The following PINX1 variants were observed in gnomAD, a reference collection of about 807,000 sequenced individuals.
PINX1 encodes the protein PIN2 (TERF1) interacting telomerase inhibitor 1, also known as PIN2/TERF1-interacting telomerase inhibitor 1.
Under a neutral mutation model 25.4 loss-of-function variants are expected in PINX1, and 34 were observed. That is an observed-to-expected ratio of 1.34 (90% CI 1.02 to 1.78). The LOEUF is 1.78. Among genes scored for constraint, PINX1 ranks in the 40% most tolerant of loss-of-function variants. The pLI is 0.00. For missense variants in PINX1, 592 were observed against 404.9 expected, an observed-to-expected ratio of 1.46 and a Z score of -3.97; for synonymous variants, 197 against 147.7, an observed-to-expected ratio of 1.33 and a Z score of -2.42.
chr8:10,821,974 T>C (rs1057057387), intron 5 of PINX1: 3 of 152,240 alleles, frequency 2.0e-5, no homozygotes, highest in Non-Finnish European at 4.4e-5. Context: ...ACTGTCAAGC[T>C]GGTAGAGACA....
intron 5 of PINX1, among the ~76,000 whole-genome samples, chr8:10,823,642 A>C (rs907306591): frequency 1.4e-4 from 22 of 152,270 alleles, no homozygotes; most frequent in Middle Eastern, 3.4e-3. Flanking sequence ...AGGACCAGGG[A>C]AAGGAATAAT....
At position 10,836,889 on chromosome 8, in the gene PINX1, C is replaced by T. The variant is rs539927374; in HGVS notation, c.20-2114G>A. On this transcript the variant is annotated intron_variant, in intron 1 of 6. Transcript: ENST00000314787. ...GGAACATTTCCCAGCTCTAATGGCACCCAAGTTTCCAGGTGTGGAAAATCA... is the reference window on the plus strand; with the variant it reads ...GGAACATTTCCCAGCTCTAATGGCATCCAAGTTTCCAGGTGTGGAAAATCA... Among the ~76,000 whole-genome samples, 13 of 152,282 alleles carry T rather than the reference C, an allele frequency of 8.5e-5. No homozygotes were observed. The South Asian group carries it at 2.5e-3, about 29-fold the overall frequency.
chr8:10,839,224 A>AT (rs1449054588), intron 1 of PINX1, among the ~76,000 whole-genome samples: 1 of 152,164 alleles, frequency 6.6e-6, no homozygotes, highest in African/African-American at 2.4e-5. Flanking sequence ...CTCACTTAGA[A>AT]TTACACATTA....
chr8:10,823,237 A>G (rs917457667), intron 5 of PINX1, among the ~76,000 whole-genome samples: 1 of 152,260 alleles, frequency 6.6e-6, no homozygotes, highest in Non-Finnish European at 1.5e-5. Context: ...GAGCACCTGC[A>G]CATGCGTTAG....
chr8:10,808,033 C>G (rs1802510497), intron 6 of PINX1, among the ~76,000 whole-genome samples: 1 of 152,176 alleles, frequency 6.6e-6, no homozygotes, highest in Admixed American at 6.5e-5. Context: ...CACAGATATA[C>G]AGAATGCTTT....
At chr8:10,806,938 G>T (rs940413069) in intron 6 of PINX1, among the ~76,000 whole-genome samples, 3 of 152,154 alleles carry the variant, frequency 2.0e-5, no homozygotes, top group Non-Finnish European at 4.4e-5. Flanking sequence ...GGTTCCCTAA[G>T]GAAATGGCAA....
At chr8:10,814,447 T>C (rs1193788303) in intron 6 of PINX1, among the ~76,000 whole-genome samples, 2 of 152,210 alleles carry the variant, frequency 1.3e-5, no homozygotes, top group African/African-American at 4.8e-5. Flanking sequence ...ATGCTTTATC[T>C]TCTGAGCAAT....
intron 5 of PINX1, chr8:10,825,529 A>G (rs1040510995): frequency 9.6e-6 from 5 of 522,270 alleles, no homozygotes; most frequent in Non-Finnish European, 2.0e-5. Flanking sequence ...GCTGAAGACA[A>G]CAACCGCATG....
At chr8:10,824,494 CA>C (rs1244992899) in intron 5 of PINX1, among the ~76,000 whole-genome samples, 1 of 152,156 alleles carries the variant, frequency 6.6e-6, no homozygotes, top group African/African-American at 2.4e-5. Context: ...TCTCCCCAGG[CA>C]AGGCTAATAG....
chr8:10,778,811 T>C (rs1801493391), intron 6 of PINX1, among the ~76,000 whole-genome samples: 1 of 152,246 alleles, frequency 6.6e-6, no homozygotes, highest in Non-Finnish European at 1.5e-5. Context: ...TGAGTAGTTC[T>C]CTTGTTAAAT....
chr8:10,797,651 G>A (rs1488960114), intron 6 of PINX1, among the ~76,000 whole-genome samples: 1 of 152,144 alleles, frequency 6.6e-6, no homozygotes, highest in African/African-American at 2.4e-5. Flanking sequence ...ACCACCAGGG[G>A]TGCCTGAAAT....
intron 6 of PINX1, among the ~76,000 whole-genome samples, chr8:10,788,297 C>A (rs11986744): frequency 0.027 from 4,171 of 152,308 alleles, 203 homozygotes; most frequent in African/African-American, 0.095. Flanking sequence ...CACAGTGGCT[C>A]ACATCTGTAA....
At chr8:10,783,050 G>A (rs1292930266) in intron 6 of PINX1, among the ~76,000 whole-genome samples, 2 of 152,012 alleles carry the variant, frequency 1.3e-5, no homozygotes, top group Admixed American at 1.3e-4. Flanking sequence ...AAATATGGAG[G>A]GAGACTCCAT....
Position 10,775,018 on chromosome 8 carries a change from AAAC to A in PINX1, c.472-9105_472-9103del, listed in dbSNP as rs1160280681. ...CTTATTTTTAGCATAGACAAAAACT[AAAC>A]AACAACAAACCAACTACAAAGCCAA... On this transcript the variant is annotated intron_variant, in intron 6 of 6. Transcript: ENST00000314787. 9.2e-5 allele frequency among the ~76,000 whole-genome samples: 14 copies of A among 152,184 alleles called. No individual in the cohort carries two copies. The East Asian group carries it at 2.1e-3, about 23-fold the overall frequency.
At chr8:10,768,168 G>A (rs1031691212) in intron 6 of PINX1, among the ~76,000 whole-genome samples, 4 of 152,096 alleles carry the variant, frequency 2.6e-5, no homozygotes, top group African/African-American at 4.8e-5. Context: ...AGACAGACTC[G>A]GTGACGACGG....
At chr8:10,807,317 T>TCCCCCCCCCC (rs1184898113) in intron 6 of PINX1, among the ~76,000 whole-genome samples, 1 of 39,738 alleles carries the variant, frequency 2.5e-5, no homozygotes, top group African/African-American at 1.5e-4. Flanking sequence ...ATCAAGAAAA[T>TCCCCCCCCCC]CCCCCCCCCA....
chr8:10,834,566 C>A, intron 2 of PINX1, 100 bp downstream of exon 2: 1 of 1,458,678 alleles, frequency 6.9e-7, no homozygotes, highest in Admixed American at 2.7e-5. Context: ...CTTACTGATC[C>A]AAAGCATAAG....
At chr8:10,766,010 G>A (rs2129069788) in intron 6 of PINX1, 94 bp from the exon 7 acceptor site, 2 of 1,251,538 alleles carry the variant, frequency 1.6e-6, no homozygotes, top group East Asian at 2.3e-5. Flanking sequence ...CTCACACCTG[G>A]CACCCACACC....
chr8:10,800,768 C>T (rs991099791), intron 6 of PINX1, among the ~76,000 whole-genome samples: 15 of 152,300 alleles, frequency 9.8e-5, no homozygotes, highest in African/African-American at 3.6e-4. Context: ...CTACGCCCGG[C>T]CAAGAATAAA....
Sources: allele counts gnomAD v4.1 joint callset (sites outside exome capture counted in the v4.1 genomes callset), GRCh38; gene constraint gnomAD v4.1.1; transcripts MANE v1.5; gene names NCBI Gene and HGNC (gene_info 2026-07-23, HGNC 2026-07-21).